LRRC4C: variants seen among roughly 807,000 people sequenced by gnomAD.
LRRC4C encodes leucine-rich repeat-containing protein 4C.
Under a neutral mutation model 33.6 loss-of-function variants are expected in LRRC4C, and 5 were observed. That is an observed-to-expected ratio of 0.15 (90% CI 0.08 to 0.31). The LOEUF (loss-of-function observed/expected upper bound fraction) is 0.31. LRRC4C is among the 10% of genes least tolerant of loss of function. The pLI is 1.00. For synonymous variants in LRRC4C, 329 were observed against 302.0 expected, an observed-to-expected ratio of 1.09 and a Z score of -0.93; for missense variants, 560 against 796.7, an observed-to-expected ratio of 0.70 and a Z score of 3.58.
At chr11:41,313,160 G>A (rs910680687) in intron 1 of LRRC4C, among the ~76,000 whole-genome samples, 1 of 152,180 alleles carries the variant, frequency 6.6e-6, no homozygotes, top group African/African-American at 2.4e-5. Context: ...CAGTTCCAGG[G>A]TTGGTTAAAT....
chr11:40,811,403 T>TTA (rs1951482745), intron 2 of LRRC4C, among the ~76,000 whole-genome samples: 1 of 152,166 alleles, frequency 6.6e-6, no homozygotes, highest in African/African-American at 2.4e-5. Context: ...GACAGGAACA[T>TTA]TATGTATCCT....
At chr11:40,653,175 C>T (rs6485216) in intron 2 of LRRC4C, among the ~76,000 whole-genome samples, 8 of 151,890 alleles carry the variant, frequency 5.3e-5, no homozygotes, top group Admixed American at 3.9e-4. Flanking sequence ...ACCAGGAGTT[C>T]GGTGCTGATA....
rs748483585 is a variant in LRRC4C, at chr11:40,834,911, G to GACAGACAGACAGACAGACACACACAC, written c.-407+98723_-407+98724insGTGTGTGTGTCTGTCTGTCTGTCTGT. ...AGACAGACAGACAGACAGACAGACA[G>GACAGACAGACAGACAGACACACACAC]ACACACACACACACACACACACACA... On this transcript the variant is annotated intron_variant, in intron 2 of 6. Coordinates refer to ENST00000528697, the MANE Select transcript of LRRC4C (RefSeq NM_001258419.2). 8.3e-5 allele frequency among the ~76,000 whole-genome samples: 7 copies of GACAGACAGACAGACAGACACACACAC among 84,826 alleles called. 1 individual carries two copies. Among genetic ancestry groups the GACAGACAGACAGACAGACACACACAC allele is most frequent in the South Asian group, 1.1e-3 (2 of 1,814 alleles). The allele number at this position is 84,826 out of a possible 152,430, so 55.6% of individuals were successfully genotyped here.
chr11:40,563,971 C>T (rs1017698469), intron 3 of LRRC4C, among the ~76,000 whole-genome samples: 13 of 152,130 alleles, frequency 8.5e-5, no homozygotes, highest in South Asian at 6.2e-4. Context: ...TTTCAGTGCA[C>T]GTAGGCTGGG....
At chr11:40,518,111 A>G (rs920157586) in intron 3 of LRRC4C, among the ~76,000 whole-genome samples, 1 of 152,210 alleles carries the variant, frequency 6.6e-6, no homozygotes, top group African/African-American at 2.4e-5. Context: ...AAATTAACTC[A>G]AGGTGGATTA....
intron 3 of LRRC4C, among the ~76,000 whole-genome samples, chr11:40,483,110 G>C (rs1953674144): frequency 1.3e-5 from 2 of 152,120 alleles, no homozygotes; most frequent in South Asian, 4.1e-4. Context: ...ACCCTTTTTA[G>C]ATGTGAGAGA....
intron 1 of LRRC4C, among the ~76,000 whole-genome samples, chr11:40,993,782 G>A (rs1268281895): frequency 6.6e-6 from 1 of 152,116 alleles, no homozygotes; most frequent in Non-Finnish European, 1.5e-5. Context: ...ATTTAACAGT[G>A]AATTCCTTGA....
At chr11:41,162,276 TCACCA>T (rs1944506909) in intron 1 of LRRC4C, among the ~76,000 whole-genome samples, 1 of 152,142 alleles carries the variant, frequency 6.6e-6, no homozygotes. Context: ...CTTGCCTTTA[TCACCA>T]ATAAAGGCAA....
intron 2 of LRRC4C, among the ~76,000 whole-genome samples, chr11:40,755,794 G>C (rs1302247678): frequency 6.6e-6 from 1 of 152,060 alleles, no homozygotes; most frequent in Admixed American, 6.6e-5. Flanking sequence ...ACCGTATTTG[G>C]CAGCAATAAG....
chr11:41,086,745 C>T (rs567779201), intron 1 of LRRC4C, among the ~76,000 whole-genome samples: 9 of 152,158 alleles, frequency 5.9e-5, no homozygotes, highest in Non-Finnish European at 1.3e-4. Context: ...TGACTTCCAT[C>T]CCCTCCAAAA....
chr11:41,416,589 T>C (rs1385250335), intron 1 of LRRC4C, among the ~76,000 whole-genome samples: 1 of 151,978 alleles, frequency 6.6e-6, no homozygotes, highest in Admixed American at 6.6e-5. Flanking sequence ...TACTATGTTT[T>C]CTTTTCTGAA....
chr11:40,648,168 T>C lies in LRRC4C; in HGVS notation c.-296A>G, dbSNP rs1254620962. On this transcript the variant is annotated 5_prime_UTR_variant, in exon 3 of 7. Transcript: ENST00000528697. Reference sequence around the variant, plus strand: ...TGTAGCAAATTGTTCATGGACCCGTTTCTCTGTTTGCAAAACTGGAACCCA... The same window carrying C: ...TGTAGCAAATTGTTCATGGACCCGTCTCTCTGTTTGCAAAACTGGAACCCA... 2.0e-5 allele frequency: 3 copies of C among 152,206 alleles called. No individual in the cohort carries two copies. The highest frequency in any genetic ancestry group is 4.8e-5 in the African/African-American group (2 of 41,442). 9.4% of individuals were successfully genotyped at this position (152,206 alleles called of 1,614,324 possible).
chr11:40,124,372 C>T (rs2134702947), intron 6 of LRRC4C, among the ~76,000 whole-genome samples: 1 of 152,268 alleles, frequency 6.6e-6, no homozygotes, highest in Admixed American at 6.5e-5. Flanking sequence ...TATTGCAGCA[C>T]TATTCATAAT....
chr11:40,565,384 G>T (rs1480342521), intron 3 of LRRC4C, among the ~76,000 whole-genome samples: 1 of 152,148 alleles, frequency 6.6e-6, no homozygotes. Context: ...ATTTCAAGAT[G>T]TACTGTAGAG....
At chr11:40,443,255 G>A (rs946155658) in intron 3 of LRRC4C, among the ~76,000 whole-genome samples, 2 of 152,156 alleles carry the variant, frequency 1.3e-5, no homozygotes, top group Non-Finnish European at 2.9e-5. Flanking sequence ...CTGTAGTTGG[G>A]AAAGACAACA....
chr11:41,085,530 C>A (rs193057708), intron 1 of LRRC4C, among the ~76,000 whole-genome samples: 1 of 152,038 alleles, frequency 6.6e-6, no homozygotes, highest in East Asian at 1.9e-4. Context: ...ATAACTATCA[C>A]GTAGTGTTGT....
intron 3 of LRRC4C, among the ~76,000 whole-genome samples, chr11:40,617,182 TCTC>T (rs1334903675): frequency 6.6e-6 from 1 of 151,772 alleles, no homozygotes; most frequent in Non-Finnish European, 1.5e-5. Flanking sequence ...TCCTTTTATT[TCTC>T]CTTTTATTAC....
chr11:41,396,109 C>T (rs928667440), intron 1 of LRRC4C, among the ~76,000 whole-genome samples: 10 of 151,958 alleles, frequency 6.6e-5, no homozygotes, highest in Non-Finnish European at 1.3e-4. Context: ...ACAAATTCTT[C>T]TTCCAATGTG....
chr11:40,588,912 T>C (rs1360101265), intron 3 of LRRC4C, among the ~76,000 whole-genome samples: 1 of 152,154 alleles, frequency 6.6e-6, no homozygotes, highest in Admixed American at 6.5e-5. Flanking sequence ...TGGTCAATTT[T>C]GGAATAGGTG....
Sources: gnomAD v4.1 joint callset for allele counts (sites outside exome capture counted in the v4.1 genomes callset) on GRCh38, gnomAD v4.1.1 for gene constraint, MANE v1.5 for transcripts, NCBI Gene and HGNC (gene_info 2026-07-23, HGNC 2026-07-21) for gene names.